Variants in DSCAM observed in about 807,000 individuals in gnomAD.
DSCAM encodes the protein DS cell adhesion molecule.
In DSCAM, 47 loss-of-function variants were observed where a neutral mutation model predicts 217.7. The ratio of observed to expected loss-of-function variants is 0.22; its 90% CI spans 0.17 to 0.28. The LOEUF (loss-of-function observed/expected upper bound fraction) is 0.28, where lower values mean the gene tolerates loss of function less well. Among genes scored for constraint, DSCAM ranks in the 10% least tolerant of loss-of-function variants. The pLI, the probability that DSCAM is intolerant of heterozygous loss-of-function variation, is 1.00. For missense variants in DSCAM, 2,080 were observed against 2,618.3 expected, an observed-to-expected ratio of 0.79 and a Z score of 4.49; for synonymous variants, 1,056 against 1,015.3, an observed-to-expected ratio of 1.04 and a Z score of -0.76.
At chr21:40,080,916 A>C (rs149312959) in intron 24 of DSCAM, among the ~76,000 whole-genome samples, 149 of 152,268 alleles carry the variant, frequency 9.8e-4, no homozygotes, top group African/African-American at 2.9e-3. Context: ...ATTCCCCCAC[A>C]TGAGCACTAC....
At chr21:40,698,729 G>A (rs2090621393) in intron 2 of DSCAM, among the ~76,000 whole-genome samples, 1 of 152,058 alleles carries the variant, frequency 6.6e-6, no homozygotes, top group Non-Finnish European at 1.5e-5. Context: ...AATTAGCCAG[G>A]CGTGGTGGCG....
At chr21:40,058,359 C>G (rs1218516779) in intron 28 of DSCAM, among the ~76,000 whole-genome samples, 1 of 152,132 alleles carries the variant, frequency 6.6e-6, no homozygotes, top group Non-Finnish European at 1.5e-5. Flanking sequence ...TCCCCATTCT[C>G]TGTTTAATTT....
At chr21:40,544,101 C>T (rs2076562503) in intron 3 of DSCAM, among the ~76,000 whole-genome samples, 2 of 152,050 alleles carry the variant, frequency 1.3e-5, no homozygotes, top group Non-Finnish European at 2.9e-5. Context: ...GTGAAATTTC[C>T]TGCAGCATCA....
At chr21:40,187,065 T>C (rs571739539) in intron 14 of DSCAM, 66 bp downstream of exon 14, 8 of 1,590,650 alleles carry the variant, frequency 5.0e-6, no homozygotes, top group Admixed American at 1.7e-5. Flanking sequence ...TAAAACACAT[T>C]AATAAGGAGA....
chr21:40,479,940 C>A (rs139117302), intron 3 of DSCAM, among the ~76,000 whole-genome samples: 1 of 152,254 alleles, frequency 6.6e-6, no homozygotes, highest in African/African-American at 2.4e-5. Context: ...ACACACACAG[C>A]TAATGGTCTT....
intron 15 of DSCAM, among the ~76,000 whole-genome samples, chr21:40,178,455 A>C (rs1390715235): frequency 6.6e-6 from 1 of 152,128 alleles, no homozygotes; most frequent in Non-Finnish European, 1.5e-5. Context: ...TTAAATATTG[A>C]TGTTTCTAGT....
At chr21:40,590,100 A>G (rs2076973323) in intron 3 of DSCAM, among the ~76,000 whole-genome samples, 1 of 152,238 alleles carries the variant, frequency 6.6e-6, no homozygotes, top group South Asian at 2.1e-4. Flanking sequence ...AACACTGAAT[A>G]TGAATCTCCA....
At chr21:40,837,056 G>A (rs1331838648) in intron 1 of DSCAM, among the ~76,000 whole-genome samples, 1 of 152,206 alleles carries the variant, frequency 6.6e-6, no homozygotes. Flanking sequence ...CCTTACCTGG[G>A]AAGGCCCACA....
intron 10 of DSCAM, among the ~76,000 whole-genome samples, chr21:40,295,601 G>C (rs1157735610): frequency 6.6e-6 from 1 of 152,134 alleles, no homozygotes; most frequent in African/African-American, 2.4e-5. Context: ...GTAATAAGGG[G>C]AATAAAACAA....
intron 3 of DSCAM, among the ~76,000 whole-genome samples, chr21:40,380,712 T>C (rs1040386742): frequency 2.6e-5 from 4 of 152,126 alleles, no homozygotes; most frequent in African/African-American, 4.8e-5. Context: ...AGGAAAAGTA[T>C]GTTTGAGGCG....
chr21:40,686,244 C>T (rs2090475575), intron 3 of DSCAM, among the ~76,000 whole-genome samples: 1 of 74,434 alleles, frequency 1.3e-5, no homozygotes, highest in Non-Finnish European at 3.1e-5. Context: ...TCACACACCA[C>T]ACACAGCACA....
At chr21:40,479,634 A>C in intron 3 of DSCAM, among the ~76,000 whole-genome samples, 1 of 152,120 alleles carries the variant, frequency 6.6e-6, no homozygotes, top group Non-Finnish European at 1.5e-5. Flanking sequence ...ACACTTATTC[A>C]CTATCACGAG....
intron 3 of DSCAM, among the ~76,000 whole-genome samples, chr21:40,659,735 T>C (rs2146377420): frequency 6.6e-6 from 1 of 152,248 alleles, no homozygotes; most frequent in East Asian, 1.9e-4. Flanking sequence ...TCCACCCCAT[T>C]AGGCTGTACC....
intron 17 of DSCAM, among the ~76,000 whole-genome samples, chr21:40,143,695 G>C (rs959610740): frequency 1.1e-4 from 16 of 152,314 alleles, no homozygotes; most frequent in African/African-American, 7.2e-5. Flanking sequence ...GGAGGCTGAG[G>C]CAGGAGAATG....
At chr21:40,677,100 T>C (rs1601842026) in intron 3 of DSCAM, among the ~76,000 whole-genome samples, 1 of 152,150 alleles carries the variant, frequency 6.6e-6, no homozygotes, top group East Asian at 1.9e-4. Context: ...CCTAGTATCA[T>C]CTGCAGTTTG....
chr21:40,188,442 T>C (rs1041749958), intron 12 of DSCAM, among the ~76,000 whole-genome samples: 1 of 152,182 alleles, frequency 6.6e-6, no homozygotes, highest in Non-Finnish European at 1.5e-5. Flanking sequence ...TCTAGGAGGA[T>C]TCCAGGAATG....
At position 40,019,746 on chromosome 21, in the gene DSCAM, TA is replaced by T. The variant is rs1408373481; in HGVS notation, c.5687-6361del. 1.7e-4 allele frequency among the ~76,000 whole-genome samples: 26 copies of T among 152,332 alleles called. No homozygotes were observed. In the East Asian group the frequency reaches 4.6e-3, roughly 27 times the overall value. On this transcript the variant is annotated intron_variant, in intron 32 of 32. Coordinates refer to ENST00000400454, the MANE Select transcript of DSCAM (RefSeq NM_001389.5). The stretch of plus-strand genomic sequence containing the variant: ...CAAATGCCCTCGGCATCCCTGTGTG[TA>T]AATCTATCATTGCCATAAACACTGG...
chr21:40,650,291 G>A (rs998123218), intron 3 of DSCAM, among the ~76,000 whole-genome samples: 5 of 152,292 alleles, frequency 3.3e-5, no homozygotes, highest in African/African-American at 1.2e-4. Context: ...TTAACTAAGT[G>A]GTTAGACAAG....
intron 20 of DSCAM, among the ~76,000 whole-genome samples, chr21:40,114,683 C>G (rs1568947770): frequency 6.6e-6 from 1 of 152,154 alleles, no homozygotes; most frequent in Non-Finnish European, 1.5e-5. Context: ...GGGCTAATAT[C>G]CAGAATCTAC....
Sources: gnomAD v4.1 joint callset for allele counts (sites outside exome capture counted in the v4.1 genomes callset) on GRCh38, gnomAD v4.1.1 for gene constraint, MANE v1.5 for transcripts, NCBI Gene and HGNC (gene_info 2026-07-23, HGNC 2026-07-21) for gene names.